Variants in STUM observed in about 807,000 individuals in gnomAD.
STUM encodes the protein protein stum homolog.
STUM carries 8 observed loss-of-function variants against 15.3 expected under a neutral mutation model. The observed-to-expected ratio is 0.52, with a 90% CI of 0.31 to 0.94. The LOEUF (loss-of-function observed/expected upper bound fraction) is 0.94, where lower values mean the gene tolerates loss of function less well. Among genes scored for constraint, STUM ranks in the 40% least tolerant of loss-of-function variants. The pLI is 0.05. For missense variants in STUM, 142 were observed against 204.9 expected (o/e 0.69, Z 1.87); for synonymous variants, 78 against 88.7 (o/e 0.88, Z 0.68).
intron 1 of STUM, among the ~76,000 whole-genome samples, chr1:226,569,953 T>C (rs1422392655): frequency 6.6e-6 from 1 of 152,078 alleles, no homozygotes; most frequent in African/African-American, 2.4e-5. Flanking sequence ...TTCTTAGAAA[T>C]ACTAAAAAAG....
At chr1:226,564,476 T>A (rs1558279166) in intron 1 of STUM, among the ~76,000 whole-genome samples, 1 of 151,710 alleles carries the variant, frequency 6.6e-6, no homozygotes, top group African/African-American at 2.4e-5. Context: ...GGGAAAAGAG[T>A]GTGATTCTTA....
chr1:226,600,450 C>T lies in STUM; in HGVS notation c.383-216C>T. 1.7e-6 allele frequency: 1 copy of T among 601,870 alleles called. No individual in the cohort carries two copies. The highest frequency in any genetic ancestry group is 2.8e-5 in the East Asian group (1 of 35,124). The allele number at this position is 601,870 out of a possible 1,614,324, so 37.3% of individuals were successfully genotyped here. On this transcript the variant is annotated intron_variant, in intron 2 of 3. Transcript: ENST00000366788. This position sits in a 1 kb window ranked among gnomAD's most constrained non-coding sequence, Gnocchi z 5.2. ...ACACGCCTGGTGGGCAGACCACTGG[C>T]CACTGTGGCTGTCACCATGAGTACT...
intron 1 of STUM, among the ~76,000 whole-genome samples, chr1:226,560,974 C>T (rs1667532764): frequency 2.0e-5 from 3 of 152,160 alleles, no homozygotes; most frequent in Admixed American, 2.0e-4. Context: ...AGCATTGTTG[C>T]TCCTGCTATA....
chr1:226,605,968 C>T lies in STUM; in HGVS notation c.*3928C>T, dbSNP rs1668349867. On this transcript the variant is annotated 3_prime_UTR_variant, in exon 4 of 4. Coordinates refer to ENST00000366788, the MANE Select transcript of STUM (RefSeq NM_001003665.4). The surrounding 1 kb of genome is among the most constrained non-coding windows in gnomAD (Gnocchi z 4.0). ...AGGCATCTCAGAGGTGTGAGATGAA[C>T]TCCGCCTCATGCAGGATGCCCAGGG... is the stretch of plus-strand genomic sequence containing the variant. The T allele has an allele frequency of 1.3e-5, 2 of 152,384 alleles. No homozygotes were observed. The highest frequency in any genetic ancestry group is 1.3e-4 in the Admixed American group (2 of 15,308). 9.4% of individuals were successfully genotyped at this position (152,384 alleles called of 1,614,324 possible).
intron 1 of STUM, among the ~76,000 whole-genome samples, chr1:226,575,609 G>A (rs1408579872): frequency 1.3e-5 from 2 of 152,240 alleles, no homozygotes; most frequent in East Asian, 3.9e-4. Context: ...CGGGGCAAAG[G>A]CCCAGGCCAG....
Position 226,603,160 on chromosome 1 carries a change from T to C in STUM, c.*1120T>C, listed in dbSNP as rs1668300289. The C allele has an allele frequency of 6.6e-6, 1 of 152,150 alleles. No homozygotes were observed. Among genetic ancestry groups the C allele is most frequent in the Non-Finnish European group, 1.5e-5 (1 of 68,032 alleles). 9.4% of individuals were successfully genotyped at this position (152,150 alleles called of 1,614,324 possible). Reference sequence around the variant, plus strand: ...GAATTGCAAGAACAATTGTATGGGGTTGTGGACCTTGATCTGAAAATCCTG... The same window carrying C: ...GAATTGCAAGAACAATTGTATGGGGCTGTGGACCTTGATCTGAAAATCCTG... On this transcript the variant is annotated 3_prime_UTR_variant, in exon 4 of 4. Coordinates refer to ENST00000366788, the MANE Select transcript of STUM (RefSeq NM_001003665.4).
chr1:226,558,673 G>A (rs1164254072), intron 1 of STUM, among the ~76,000 whole-genome samples: 1 of 152,220 alleles, frequency 6.6e-6, no homozygotes, highest in Admixed American at 6.5e-5. Flanking sequence ...GACTGAATGT[G>A]TGTGTGGGTG....
At chr1:226,554,559 T>C (rs1251400665) in intron 1 of STUM, among the ~76,000 whole-genome samples, 1 of 152,086 alleles carries the variant, frequency 6.6e-6, no homozygotes, top group Admixed American at 6.5e-5. Flanking sequence ...TGAGGGGTGA[T>C]ATAAGCAAGC....
intron 1 of STUM, among the ~76,000 whole-genome samples, chr1:226,559,831 G>A (rs544569259): frequency 1.3e-5 from 2 of 152,250 alleles, no homozygotes; most frequent in South Asian, 4.2e-4. Context: ...AAATTAGCCG[G>A]GCATGGTGGC....
intron 1 of STUM, among the ~76,000 whole-genome samples, chr1:226,594,873 C>T (rs1019294679): frequency 4.2e-4 from 64 of 152,300 alleles, no homozygotes; most frequent in African/African-American, 1.5e-3. Context: ...CCAGGCTGGT[C>T]CCAAATTCCT....
intron 1 of STUM, among the ~76,000 whole-genome samples, chr1:226,591,578 C>G (rs1002916566): frequency 4.6e-5 from 7 of 152,202 alleles, no homozygotes; most frequent in Non-Finnish European, 1.0e-4. Flanking sequence ...CCCCGCTCCA[C>G]CAAGAACAGG....
rs902006889 is a variant in STUM, at chr1:226,567,851, G to A, written c.202+18745G>A. 1.6e-4 allele frequency among the ~76,000 whole-genome samples: 24 copies of A among 152,262 alleles called. No homozygotes were observed. The highest frequency in any genetic ancestry group is 5.5e-4 in the African/African-American group (23 of 41,554). On this transcript the variant is annotated intron_variant, in intron 1 of 3. Transcript: ENST00000366788. The surrounding 1 kb of genome is among the most constrained non-coding windows in gnomAD (Gnocchi z 4.5). ...ATCATATAGAATTATGAATCATAAA[G>A]AATTATGAATTACTAGAAAGCTATT...
intron 1 of STUM, 46 bp from the exon 2 acceptor site, chr1:226,596,756 T>G (rs1271255532): frequency 1.3e-6 from 2 of 1,560,424 alleles, no homozygotes; most frequent in Non-Finnish European, 1.8e-6. Context: ...CAGACCCCTT[T>G]GTCTCCCAGT....
In STUM at chr1:226,597,080, C is replaced by G. The variant is rs1161220530; in HGVS notation, c.382+99C>G. 2.2e-5 allele frequency: 25 copies of G among 1,151,174 alleles called. No homozygotes were observed. In the Admixed American group the frequency reaches 3.3e-4, roughly 15 times the overall value. 71.3% of individuals were successfully genotyped at this position (1,151,174 alleles called of 1,614,324 possible). Reference sequence around the variant, plus strand: ...ATGTCTGGCCGAGGTCCTGCTCACCCGCTAAGCACGGGCTCTGGAGAGGGC... The same window carrying G: ...ATGTCTGGCCGAGGTCCTGCTCACCGGCTAAGCACGGGCTCTGGAGAGGGC... On this transcript the variant is annotated intron_variant, in intron 2 of 3. Coordinates refer to ENST00000366788, the MANE Select transcript of STUM (RefSeq NM_001003665.4).
In STUM at chr1:226,548,893, G is replaced by C; in HGVS notation, c.-12G>C. ...GGCCGTGCTGCCCGGCTGCCTGAGA[G>C]CGCGCCCGGCCATGGAGCCCTCGCA... On this transcript the variant is annotated 5_prime_UTR_variant, in exon 1 of 4. Coordinates refer to ENST00000366788, the MANE Select transcript of STUM (RefSeq NM_001003665.4). 7.3e-7 allele frequency: 1 copy of C among 1,361,812 alleles called. No homozygotes were observed. Among genetic ancestry groups the C allele is most frequent in the Non-Finnish European group, 9.4e-7 (1 of 1,067,026 alleles). 84.4% of individuals were successfully genotyped at this position (1,361,812 alleles called of 1,614,324 possible). A position where few individuals can be genotyped will look rare whatever the true frequency, so the allele number is the denominator to read the frequency against.
Position 226,607,222 on chromosome 1 carries a change from C to T in STUM, c.*5182C>T, listed in dbSNP as rs1369901586. The T allele has an allele frequency of 6.6e-6, 1 of 152,348 alleles. No individual in the cohort carries two copies. The highest frequency in any genetic ancestry group is 1.5e-5 in the Non-Finnish European group (1 of 68,144). The allele number at this position is 152,348 out of a possible 1,614,324, so 9.4% of individuals were successfully genotyped here. ...TTTTCATCAATCAGTTTTCTTCCTG[C>T]AAGATTCTTAGAGCTGGATGTTCAC... On this transcript the variant is annotated 3_prime_UTR_variant, in exon 4 of 4. Transcript: ENST00000366788.
intron 2 of STUM, among the ~76,000 whole-genome samples, chr1:226,598,055 A>T (rs1044386928): frequency 2.6e-5 from 4 of 152,106 alleles, no homozygotes; most frequent in Non-Finnish European, 5.9e-5. Flanking sequence ...GAATATTGTG[A>T]GGTAAGCCCA....
At chr1:226,571,301 C>T (rs74141937) in intron 1 of STUM, among the ~76,000 whole-genome samples, 1,645 of 152,258 alleles carry the variant, frequency 0.011, 30 homozygotes, top group African/African-American at 0.033. Flanking sequence ...CACTGTGCTT[C>T]TGTATTGATG....
intron 2 of STUM, among the ~76,000 whole-genome samples, chr1:226,599,141 T>C (rs1668226900): frequency 6.6e-6 from 1 of 152,136 alleles, no homozygotes; most frequent in Non-Finnish European, 1.5e-5. Context: ...ACCAGGTTCC[T>C]CCCACAACAC....
Sources: allele counts gnomAD v4.1 joint callset (sites outside exome capture counted in the v4.1 genomes callset), GRCh38; gene constraint gnomAD v4.1.1; non-coding constraint Gnocchi (gnomAD v3.1); transcripts MANE v1.5; gene names NCBI Gene and HGNC (gene_info 2026-07-23, HGNC 2026-07-21).